Variants in OXNAD1 observed in about 807,000 individuals in gnomAD.
OXNAD1 encodes oxidoreductase NAD binding domain containing 1, also known as oxidoreductase NAD-binding domain-containing protein 1.
In OXNAD1, 34 loss-of-function variants were observed where a neutral mutation model predicts 32.9. The observed-to-expected ratio is 1.03, with a 90% confidence interval of 0.79 to 1.38. The LOEUF is 1.38. Ranked by LOEUF, OXNAD1 falls within the 40% of genes most tolerant of loss-of-function variation. The pLI, the probability that OXNAD1 is intolerant of heterozygous loss-of-function variation, is 0.00. For missense variants in OXNAD1, 407 were observed against 379.4 expected (o/e 1.07, Z -0.60); for synonymous variants, 134 against 135.2 (o/e 0.99, Z 0.06).
At chr3:16,332,343 ACT>A (rs2070402431) in intron 9 of OXNAD1, among the ~76,000 whole-genome samples, 1 of 77,566 alleles carries the variant, frequency 1.3e-5, no homozygotes, top group African/African-American at 5.3e-5. Flanking sequence ...TTGTCTTCCA[ACT>A]TTTATGTTTT....
At position 16,288,804 on chromosome 3, in the gene OXNAD1, G is replaced by T. The variant is rs1034649695; in HGVS notation, c.290+2356G>T. ...TTGACCAGAATTCCTCCTCCCTTGGGGTGGAAAGCTTGGCACTCACTCTTG... is the reference window on the plus strand; with the variant it reads ...TTGACCAGAATTCCTCCTCCCTTGGTGTGGAAAGCTTGGCACTCACTCTTG... On this transcript the variant is annotated intron_variant, in intron 5 of 8. Coordinates refer to ENST00000285083, the MANE Select transcript of OXNAD1 (RefSeq NM_138381.5). This position sits in a 1 kb window ranked among gnomAD's most constrained non-coding sequence, Gnocchi z 5.1. 6.6e-5 allele frequency among the ~76,000 whole-genome samples: 10 copies of T among 152,180 alleles called. No homozygotes were observed. Among genetic ancestry groups the T allele is most frequent in the Admixed American group, 3.9e-4 (6 of 15,278 alleles).
Position 16,302,678 on chromosome 3 carries a change from G to T in OXNAD1, c.714G>T (p.Lys238Asn), listed in dbSNP as rs757498841. Residue 238 changes from lysine (K) to asparagine (N), a missense_variant, in exon 8 of 9, where the codon AAG becomes AAT. Lys to Asn is a moderately conservative substitution (Grantham distance 94). Transcript: ENST00000285083. This position sits in a 1 kb window ranked among gnomAD's most constrained non-coding sequence, Gnocchi z 4.2. The part of the protein sequence containing the change: ...ILDLVNEFPE[K>N]IACSLHVTKQ... ...ATTTAGTAAATGAATTTCCTGAGAAGATTGCATGCAGTTTGCATGTTACAA... is the reference window on the plus strand; with the variant it reads ...ATTTAGTAAATGAATTTCCTGAGAATATTGCATGCAGTTTGCATGTTACAA... The T allele has an allele frequency of 6.8e-6, 11 of 1,613,358 alleles. No individual in the cohort carries two copies. The highest frequency in any genetic ancestry group is 2.7e-5 in the African/African-American group (2 of 74,910).
chr3:16,350,646 T>A (rs921355078), downstream of OXNAD1, among the ~76,000 whole-genome samples: 2 of 152,186 alleles, frequency 1.3e-5, no homozygotes, highest in African/African-American at 4.8e-5. Context: ...TCTGACTTCC[T>A]CGTTACTCAC....
In OXNAD1 at chr3:16,297,613, G is replaced by A. The variant is rs2066890587; in HGVS notation, c.432+2616G>A. Among the ~76,000 whole-genome samples the A allele has an allele frequency of 6.6e-6, 1 of 152,182 alleles. No homozygotes were observed. The highest frequency in any genetic ancestry group is 2.4e-5 in the African/African-American group (1 of 41,456). On this transcript the variant is annotated intron_variant, in intron 6 of 8. Coordinates refer to ENST00000285083, the MANE Select transcript of OXNAD1 (RefSeq NM_138381.5). This position sits in a 1 kb window ranked among gnomAD's most constrained non-coding sequence, Gnocchi z 4.3. ...AAACAACCCAAATGTCCCTCAGCAGGTGAATGGATAACTTGTGATATAGTC... is the reference window on the plus strand; with the variant it reads ...AAACAACCCAAATGTCCCTCAGCAGATGAATGGATAACTTGTGATATAGTC...
rs1183649218 is a variant in OXNAD1 at position 16,312,042 on chromosome 3, C to A, written c.*30+8450C>A. On this transcript the variant is annotated intron_variant, in intron 9 of 9. Coordinates refer to the OXNAD1 transcript ENST00000435829. This position sits in a 1 kb window ranked among gnomAD's most constrained non-coding sequence, Gnocchi z 4.7. Reference sequence around the variant, plus strand: ...GGGACATGCCGCTGTTGTGCAAGGGCTGGGGAAGCAAGCACCAGCCAGGTT... The same window carrying A: ...GGGACATGCCGCTGTTGTGCAAGGGATGGGGAAGCAAGCACCAGCCAGGTT... Among the ~76,000 whole-genome samples the A allele has an allele frequency of 6.6e-6, 1 of 152,160 alleles. No individual in the cohort carries two copies. The highest frequency in any genetic ancestry group is 1.5e-5 in the Non-Finnish European group (1 of 68,034).
chr3:16,287,721 C>T lies in OXNAD1; in HGVS notation c.290+1273C>T, dbSNP rs2066166395. 6.6e-6 allele frequency among the ~76,000 whole-genome samples: 1 copy of T among 152,168 alleles called. No individual in the cohort carries two copies. The highest frequency in any genetic ancestry group is 1.5e-5 in the Non-Finnish European group (1 of 68,028). The stretch of plus-strand genomic sequence containing the variant: ...CTGTGCATTGGTTATTGTGCTGCCA[C>T]CGTGGTGTGCCTGCAAGTGTAATGC... On this transcript the variant is annotated intron_variant, in intron 5 of 8. Transcript: ENST00000285083. The surrounding 1 kb of genome is among the most constrained non-coding windows in gnomAD (Gnocchi z 4.8).
At chr3:16,269,004 G>C in intron 1 of OXNAD1, 122 bp from the exon 2 acceptor site, 3 of 772,802 alleles carry the variant, frequency 3.9e-6, no homozygotes, top group Non-Finnish European at 5.4e-6. Context: ...GTAATTGAGA[G>C]TGGGCTTGTT....
downstream of OXNAD1, chr3:16,306,198 A>T (rs1317698494): frequency 6.6e-6 from 1 of 152,106 alleles, no homozygotes; most frequent in Non-Finnish European, 1.5e-5. Context: ...CTCAGATTTT[A>T]TTTATATTTT....
intron 9 of OXNAD1, among the ~76,000 whole-genome samples, chr3:16,319,899 G>T (rs2068848151): frequency 6.6e-6 from 1 of 152,172 alleles, no homozygotes; most frequent in African/African-American, 2.4e-5. Context: ...TGGACTCCAG[G>T]TTTTGAGTAG....
At chr3:16,293,019 C>A (rs1205469623) in intron 5 of OXNAD1, among the ~76,000 whole-genome samples, 2 of 152,146 alleles carry the variant, frequency 1.3e-5, no homozygotes, top group Non-Finnish European at 2.9e-5. Flanking sequence ...CCTCAAATTT[C>A]CATATGAATT....
At position 16,345,778 on chromosome 3, in the gene OXNAD1, TAATA is replaced by T. The variant is rs1383264322; in HGVS notation, c.*31-3394_*31-3391del. 1.4e-5 allele frequency among the ~76,000 whole-genome samples: 2 copies of T among 138,016 alleles called. No homozygotes were observed. Among genetic ancestry groups the T allele is most frequent in the Admixed American group, 7.4e-5 (1 of 13,434 alleles). 90.5% of individuals were successfully genotyped at this position (138,016 alleles called of 152,430 possible). Reference sequence around the variant, plus strand: ...CATAATCACATGAGCCAAAACCTTATAATAAATCTCTGTGTGTGTGTGTGTGTGT... The same window carrying T: ...CATAATCACATGAGCCAAAACCTTATAATCTCTGTGTGTGTGTGTGTGTGT... On this transcript the variant is annotated intron_variant, in intron 9 of 9. Coordinates refer to the OXNAD1 transcript ENST00000606098. This position sits in a 1 kb window ranked among gnomAD's most constrained non-coding sequence, Gnocchi z 5.2.
chr3:16,349,212 G>A, exon 10 of OXNAD1: 1 of 152,340 alleles, frequency 6.6e-6, no homozygotes, highest in Middle Eastern at 3.4e-3. Flanking sequence ...GAGACAAGAA[G>A]AAAAAGAATT....
chr3:16,349,324 T>C (rs1416450284), exon 10 of OXNAD1: 1 of 152,216 alleles, frequency 6.6e-6, no homozygotes, highest in Non-Finnish European at 1.5e-5. Flanking sequence ...TGGAGGCAAC[T>C]AAGGAAAACC....
At chr3:16,294,776 C>T in intron 5 of OXNAD1, 80 bp from the exon 6 acceptor site, 1 of 1,365,676 alleles carries the variant, frequency 7.3e-7, no homozygotes, top group Non-Finnish European at 1.0e-6. Flanking sequence ...CATAGTCTTG[C>T]AAAGGTTTGT....
chr3:16,280,631 C>G lies in OXNAD1; in HGVS notation c.184-5711C>G, dbSNP rs916783582. On this transcript the variant is annotated intron_variant, in intron 4 of 8. Transcript: ENST00000285083. The surrounding 1 kb of genome is among the most constrained non-coding windows in gnomAD (Gnocchi z 4.5). ...ATTTTTGTTTTAGGTCATCTCTAGT[C>G]ATGGCTTTGCCTAAATTTTTAAGCC... 1.3e-5 allele frequency among the ~76,000 whole-genome samples: 2 copies of G among 152,132 alleles called. No homozygotes were observed. Among genetic ancestry groups the G allele is most frequent in the Admixed American group, 6.5e-5 (1 of 15,272 alleles).
In OXNAD1 at chr3:16,334,530, C is replaced by T. The variant is rs1436610944; in HGVS notation, c.*31-2582C>T. On this transcript the variant is annotated intron_variant, in intron 9 of 9. Coordinates refer to the OXNAD1 transcript ENST00000435829. This position sits in a 1 kb window ranked among gnomAD's most constrained non-coding sequence, Gnocchi z 4.3. ...CCATCAGTGCTGGATTTGTATTTAA[C>T]ATTATGTTTCACCCAGACAACAGCT... Among the ~76,000 whole-genome samples the T allele has an allele frequency of 4.6e-5, 7 of 152,164 alleles. No homozygotes were observed. The highest frequency in any genetic ancestry group is 2.9e-5 in the Non-Finnish European group (2 of 68,024).
At position 16,288,511 on chromosome 3, in the gene OXNAD1, A is replaced by G. The variant is rs1469771953; in HGVS notation, c.290+2063A>G. On this transcript the variant is annotated intron_variant, in intron 5 of 8. Coordinates refer to ENST00000285083, the MANE Select transcript of OXNAD1 (RefSeq NM_138381.5). This position sits in a 1 kb window ranked among gnomAD's most constrained non-coding sequence, Gnocchi z 5.1. Reference sequence around the variant, plus strand: ...TCTGTGACTAGCTGGAGCTTTGGCCACAGATCCCCATGTAGACACCTTCAG... The same window carrying G: ...TCTGTGACTAGCTGGAGCTTTGGCCGCAGATCCCCATGTAGACACCTTCAG... 3.9e-5 allele frequency among the ~76,000 whole-genome samples: 6 copies of G among 152,180 alleles called. No individual in the cohort carries two copies. Among genetic ancestry groups the G allele is most frequent in the African/African-American group, 1.4e-4 (6 of 41,418 alleles).
intron 5 of OXNAD1, among the ~76,000 whole-genome samples, chr3:16,292,002 G>A (rs1242656610): frequency 6.6e-6 from 1 of 152,036 alleles, no homozygotes; most frequent in East Asian, 1.9e-4. Context: ...ATCTCTTCAT[G>A]TGCTTATTAG....
At chr3:16,350,042 T>C (rs2071988044) in exon 10 of OXNAD1, 1 of 152,220 alleles carries the variant, frequency 6.6e-6, no homozygotes, top group Non-Finnish European at 1.5e-5. Flanking sequence ...TAATCACATC[T>C]AAAAATACTT....
Sources: allele counts gnomAD v4.1 joint callset (sites outside exome capture counted in the v4.1 genomes callset), GRCh38; gene constraint gnomAD v4.1.1; non-coding constraint Gnocchi (gnomAD v3.1); transcripts MANE v1.5; gene names NCBI Gene and HGNC (gene_info 2026-07-23, HGNC 2026-07-21).